The following SPHKAP variants were observed in gnomAD, a reference collection of about 807,000 sequenced individuals.
The protein encoded by SPHKAP is A-kinase anchor protein SPHKAP.
Under a neutral mutation model 137.5 loss-of-function variants are expected in SPHKAP, and 67 were observed. The ratio of observed to expected loss-of-function variants is 0.49; its 90% CI spans 0.40 to 0.60. The LOEUF is 0.60. Among genes scored for constraint, SPHKAP ranks in the 20% least tolerant of loss-of-function variants. The probability of loss-of-function intolerance (pLI) is 0.00; values close to 1 mark genes in which losing one functional copy is unlikely to be tolerated. For synonymous variants in SPHKAP, 813 were observed against 785.3 expected (o/e 1.04, Z -0.59); for missense variants, 2,097 against 2,069.3 (o/e 1.01, Z -0.26).
intron 3 of SPHKAP, among the ~76,000 whole-genome samples, chr2:228,094,472 A>G (rs941802912): frequency 7.9e-5 from 12 of 152,210 alleles, no homozygotes; most frequent in African/African-American, 2.7e-4. Context: ...TGTACATTCT[A>G]TTTGTTTAGC....
intron 1 of SPHKAP, among the ~76,000 whole-genome samples, chr2:228,164,782 T>G (rs1700374017): frequency 6.6e-6 from 1 of 152,214 alleles, no homozygotes; most frequent in Admixed American, 6.5e-5. Flanking sequence ...GCCTCTGGAC[T>G]CTTTCAACTG....
chr2:228,071,104 G>A (rs1017910329), intron 3 of SPHKAP, among the ~76,000 whole-genome samples: 8 of 152,066 alleles, frequency 5.3e-5, no homozygotes, highest in African/African-American at 1.9e-4. Flanking sequence ...ACTGGAAGCT[G>A]GTGTCTATAT....
At chr2:228,027,377 A>T in intron 4 of SPHKAP, 107 bp downstream of exon 4, 1 of 1,162,130 alleles carries the variant, frequency 8.6e-7, no homozygotes, top group South Asian at 1.3e-5. Context: ...CTGTAATGAA[A>T]CTATCTAACT....
chr2:227,991,362 T>C, intron 9 of SPHKAP, 36 bp from the exon 10 acceptor site: 1 of 1,613,672 alleles, frequency 6.2e-7, no homozygotes, highest in East Asian at 2.2e-5. Flanking sequence ...GTTGGTAATG[T>C]TTAGAAGAAT....
chr2:228,158,917 T>A (rs540644430), intron 1 of SPHKAP, among the ~76,000 whole-genome samples: 5 of 152,290 alleles, frequency 3.3e-5, no homozygotes, highest in South Asian at 2.1e-4. Flanking sequence ...ACCAAATACT[T>A]CCAATTTTGC....
chr2:228,128,831 T>A (rs1455981175), intron 2 of SPHKAP, among the ~76,000 whole-genome samples: 3 of 152,206 alleles, frequency 2.0e-5, no homozygotes, highest in Non-Finnish European at 2.9e-5. Context: ...GGAATCTTTT[T>A]TTATGAGCAG....
Position 228,128,956 on chromosome 2 carries a change from C to T in SPHKAP, c.138+3024G>A, listed in dbSNP as rs546634224. Among the ~76,000 whole-genome samples the T allele has an allele frequency of 7.9e-5, 12 of 152,262 alleles. No homozygotes were observed. In the East Asian group the frequency reaches 1.9e-3, roughly 25 times the overall value. ...CCCAGGTAGTAGATTTAGCATAATA[C>T]ATAGGGGCCCTAGGATTTTTGGAAT... is the stretch of plus-strand genomic sequence containing the variant. On this transcript the variant is annotated intron_variant, in intron 2 of 11. Transcript: ENST00000392056.
chr2:227,994,046 C>T, intron 8 of SPHKAP: 1 of 985,278 alleles, frequency 1.0e-6, no homozygotes, highest in Non-Finnish European at 1.2e-6. Context: ...TGGCAGGAAC[C>T]AGTTTTGACA....
chr2:228,005,499 A>T (rs1404029022), intron 7 of SPHKAP, among the ~76,000 whole-genome samples: 1 of 152,054 alleles, frequency 6.6e-6, no homozygotes, highest in Non-Finnish European at 1.5e-5. Flanking sequence ...TTGACTCTTT[A>T]TCCAATTTGC....
At chr2:228,157,408 G>A (rs1574904652) in intron 1 of SPHKAP, among the ~76,000 whole-genome samples, 1 of 152,088 alleles carries the variant, frequency 6.6e-6, no homozygotes, top group African/African-American at 2.4e-5. Flanking sequence ...GCTGTATATT[G>A]AATATCATGG....
chr2:228,070,347 A>G (rs1254015336), intron 3 of SPHKAP, among the ~76,000 whole-genome samples: 3 of 152,208 alleles, frequency 2.0e-5, no homozygotes, highest in Non-Finnish European at 4.4e-5. Flanking sequence ...TTAAAGGTGG[A>G]TGAAGTAGAG....
chr2:228,044,541 T>A (rs773830673), intron 3 of SPHKAP, among the ~76,000 whole-genome samples: 1 of 152,156 alleles, frequency 6.6e-6, no homozygotes, highest in East Asian at 1.9e-4. Context: ...TTAATTTAAA[T>A]CTTCTAACAG....
chr2:228,086,934 C>A (rs138773951), intron 3 of SPHKAP, among the ~76,000 whole-genome samples: 2 of 152,260 alleles, frequency 1.3e-5, no homozygotes, highest in East Asian at 3.9e-4. Context: ...GAACAAAACT[C>A]AAAGGCTAGC....
chr2:228,115,853 C>T (rs1027242189), intron 2 of SPHKAP, among the ~76,000 whole-genome samples: 5 of 152,124 alleles, frequency 3.3e-5, no homozygotes, highest in Non-Finnish European at 7.4e-5. Context: ...AGGTTAAAAT[C>T]GAATCCCCAA....
chr2:227,999,756 A>C (rs911220837), intron 7 of SPHKAP, among the ~76,000 whole-genome samples: 3 of 152,230 alleles, frequency 2.0e-5, no homozygotes, highest in Non-Finnish European at 2.9e-5. Context: ...TCATTTTGAG[A>C]GAAATTGAAA....
At chr2:228,069,781 A>C (rs1159580458) in intron 3 of SPHKAP, among the ~76,000 whole-genome samples, 2 of 152,142 alleles carry the variant, frequency 1.3e-5, no homozygotes, top group East Asian at 3.8e-4. Context: ...GAGCCACAAG[A>C]AGCTATTATA....
intron 7 of SPHKAP, among the ~76,000 whole-genome samples, chr2:228,008,500 G>T (rs1694228820): frequency 6.6e-6 from 1 of 151,938 alleles, no homozygotes; most frequent in African/African-American, 2.4e-5. Context: ...TCACCATGTT[G>T]GCCAGGCTGG....
chr2:228,073,098 C>T (rs2106303983), intron 3 of SPHKAP, among the ~76,000 whole-genome samples: 1 of 152,304 alleles, frequency 6.6e-6, no homozygotes, highest in South Asian at 2.1e-4. Flanking sequence ...ACTTTGAAAA[C>T]ATCTAGTCAA....
At chr2:228,139,901 CTTTA>C (rs1218246735) in intron 1 of SPHKAP, among the ~76,000 whole-genome samples, 4 of 100,254 alleles carry the variant, frequency 4.0e-5, no homozygotes, top group Admixed American at 2.3e-4. Context: ...TTCTTTATTT[CTTTA>C]TTTATTTTCT....
Sources: gnomAD v4.1 joint callset for allele counts (sites outside exome capture counted in the v4.1 genomes callset) on GRCh38, gnomAD v4.1.1 for gene constraint, MANE v1.5 for transcripts, NCBI Gene and HGNC (gene_info 2026-07-23, HGNC 2026-07-21) for gene names.